AFG2A: variants seen among roughly 807,000 people sequenced by gnomAD.
AFG2A encodes the protein AAA ATPase AFG2A, also known as ATPase family gene 2 protein homolog A.
the AFG2A span, among the ~76,000 whole-genome samples, chr4:122,954,585 C>T: frequency 6.6e-6 from 1 of 152,240 alleles, no homozygotes; most frequent in Non-Finnish European, 1.5e-5. Context: ...ACCCTTCAAA[C>T]AGGCTACCTG....
chr4:123,025,034 G>A, the AFG2A span, among the ~76,000 whole-genome samples: 1 of 152,158 alleles, frequency 6.6e-6, no homozygotes, highest in African/African-American at 2.4e-5. Flanking sequence ...CCTGTTTCCT[G>A]TGTTGTAAAT....
chr4:123,141,251 A>C, the AFG2A span, among the ~76,000 whole-genome samples: 1 of 152,206 alleles, frequency 6.6e-6, no homozygotes, highest in South Asian at 2.1e-4. Context: ...TTGATCTCCC[A>C]GTTGTTCTGG....
At chr4:123,105,651 C>T in the AFG2A span, among the ~76,000 whole-genome samples, 5 of 152,006 alleles carry the variant, frequency 3.3e-5, no homozygotes, top group African/African-American at 4.8e-5. Context: ...AAGTTGATTC[C>T]AGCCCTCAGG....
At chr4:123,241,863 G>A in the AFG2A span, among the ~76,000 whole-genome samples, 2 of 152,166 alleles carry the variant, frequency 1.3e-5, no homozygotes, top group African/African-American at 4.8e-5. Context: ...CAGATGACAT[G>A]ATTGTATATT....
the AFG2A span, among the ~76,000 whole-genome samples, chr4:123,086,173 A>G: frequency 2.0e-4 from 31 of 152,190 alleles, no homozygotes; most frequent in African/African-American, 6.5e-4. Context: ...TCTGACCTAT[A>G]TTTTCTTCTT....
chr4:123,179,049 T>C, the AFG2A span, among the ~76,000 whole-genome samples: 1 of 152,192 alleles, frequency 6.6e-6, no homozygotes, highest in African/African-American at 2.4e-5. Flanking sequence ...TTCCTAGATA[T>C]ATCATTTACG....
chr4:123,282,974 A>T, the AFG2A span, among the ~76,000 whole-genome samples: 7 of 152,064 alleles, frequency 4.6e-5, no homozygotes, highest in African/African-American at 1.7e-4. Flanking sequence ...AATATATGAA[A>T]ATGATTTTGC....
the AFG2A span, among the ~76,000 whole-genome samples, chr4:122,950,574 A>G: frequency 6.6e-6 from 1 of 152,166 alleles, no homozygotes; most frequent in Admixed American, 6.5e-5. Context: ...TCCTGACCTC[A>G]GGTGATCCAC....
chr4:123,228,234 T>C, the AFG2A span, among the ~76,000 whole-genome samples: 3 of 152,206 alleles, frequency 2.0e-5, no homozygotes, highest in African/African-American at 7.2e-5. Context: ...AGGTTAATAT[T>C]GTTATGTGTG....
chr4:123,013,876 C>T, the AFG2A span, among the ~76,000 whole-genome samples: 1 of 152,156 alleles, frequency 6.6e-6, no homozygotes, highest in Non-Finnish European at 1.5e-5. Flanking sequence ...AGGTCCTAGT[C>T]ATACACACAT....
the AFG2A span, among the ~76,000 whole-genome samples, chr4:123,195,537 TAC>T: frequency 6.6e-6 from 1 of 152,218 alleles, no homozygotes. Flanking sequence ...TGTGCAGATA[TAC>T]AGTTATGTTT....
chr4:123,027,411 C>T, the AFG2A span, among the ~76,000 whole-genome samples: 3,297 of 152,098 alleles, frequency 0.022, 61 homozygotes, highest in Non-Finnish European at 0.036. Flanking sequence ...TAGCCATTTC[C>T]CTGTTCTTGC....
the AFG2A span, among the ~76,000 whole-genome samples, chr4:123,047,574 C>G: frequency 6.6e-6 from 1 of 150,588 alleles, no homozygotes; most frequent in Non-Finnish European, 1.5e-5. Context: ...GGTAATTTGT[C>G]TTTTTTTTTG....
chr4:123,084,612 G>GTATA, the AFG2A span, among the ~76,000 whole-genome samples: 1 of 148,834 alleles, frequency 6.7e-6, no homozygotes, highest in East Asian at 1.9e-4. Context: ...GTGTGTGTGT[G>GTATA]TGTATATATA....
the AFG2A span, among the ~76,000 whole-genome samples, chr4:122,990,190 C>G: frequency 6.6e-6 from 1 of 152,124 alleles, no homozygotes; most frequent in African/African-American, 2.4e-5. Context: ...TGTTCTCCAC[C>G]CAGGTACTCT....
chr4:123,057,306 G>A, the AFG2A span: 64 of 1,597,988 alleles, frequency 4.0e-5, no homozygotes, highest in Middle Eastern at 6.6e-4. Context: ...GTATTTAATA[G>A]CACTGCTATT....
chr4:123,289,558 A>T, the AFG2A span, among the ~76,000 whole-genome samples: 1 of 152,138 alleles, frequency 6.6e-6, no homozygotes, highest in Non-Finnish European at 1.5e-5. Flanking sequence ...TCAAATGGTA[A>T]TTCTACCTTT....
chr4:123,221,316 C>T, the AFG2A span, among the ~76,000 whole-genome samples: 12 of 151,992 alleles, frequency 7.9e-5, no homozygotes, highest in African/African-American at 9.7e-5. Flanking sequence ...TCACCATACT[C>T]GGGAAATTTT....
the AFG2A span, among the ~76,000 whole-genome samples, chr4:123,152,603 C>T: frequency 4.6e-5 from 7 of 152,182 alleles, no homozygotes; most frequent in African/African-American, 1.7e-4. Context: ...AGAACACTGA[C>T]AACACCAAAT....
Sources: gnomAD v4.1 joint callset for allele counts (sites outside exome capture counted in the v4.1 genomes callset) on GRCh38, gnomAD v4.1.1 for gene constraint, MANE v1.5 for transcripts, NCBI Gene and HGNC (gene_info 2026-07-23, HGNC 2026-07-21) for gene names.